The following SCN11A variants were observed in gnomAD, a reference collection of about 807,000 sequenced individuals.
SCN11A encodes the protein sodium channel protein type 11 subunit alpha.
SCN11A carries 122 observed loss-of-function variants against 162.2 expected under a neutral mutation model. That is an observed-to-expected ratio of 0.75 (90% CI 0.65 to 0.87). SCN11A has a LOEUF of 0.87. Among genes scored for constraint, SCN11A ranks in the 40% least tolerant of loss-of-function variants. The pLI, the probability that SCN11A is intolerant of heterozygous loss-of-function variation, is 0.00. For synonymous variants in SCN11A, 758 were observed against 751.5 expected (o/e 1.01, Z -0.14); for missense variants, 2,015 against 2,181.6 (o/e 0.92, Z 1.52).
intron 26 of SCN11A, among the ~76,000 whole-genome samples, chr3:38,869,703 C>T (rs538152232): frequency 2.4e-4 from 36 of 152,224 alleles, no homozygotes; most frequent in Middle Eastern, 3.4e-3. Flanking sequence ...GCTGAGTATC[C>T]CTAATCTGAA....
intron 2 of SCN11A, among the ~76,000 whole-genome samples, chr3:38,969,583 T>A (rs962734404): frequency 2.6e-5 from 4 of 152,188 alleles, no homozygotes; most frequent in Non-Finnish European, 4.4e-5. Flanking sequence ...TGCAGTTTAG[T>A]GTTCTTTGAA....
chr3:39,043,436 T>C (rs892978677), intron 1 of SCN11A, among the ~76,000 whole-genome samples: 2 of 143,576 alleles, frequency 1.4e-5, no homozygotes, highest in African/African-American at 5.3e-5. Flanking sequence ...AACAGATGAA[T>C]GGATAAAGAA....
At chr3:38,962,724 T>C (rs1473332342) in intron 2 of SCN11A, among the ~76,000 whole-genome samples, 2 of 151,936 alleles carry the variant, frequency 1.3e-5, no homozygotes, top group East Asian at 1.9e-4. Flanking sequence ...GGTGGGCGCC[T>C]ATAATCCCAG....
At chr3:39,019,758 CTT>C (rs1462247573) in intron 2 of SCN11A, among the ~76,000 whole-genome samples, 1 of 152,158 alleles carries the variant, frequency 6.6e-6, no homozygotes, top group Non-Finnish European at 1.5e-5. Flanking sequence ...TCATATGTCA[CTT>C]TCTTATTTAT....
intron 23 of SCN11A, among the ~76,000 whole-genome samples, chr3:38,876,499 T>C (rs573585992): frequency 6.6e-6 from 1 of 151,786 alleles, no homozygotes; most frequent in South Asian, 2.1e-4. Flanking sequence ...AAGAACTCAA[T>C]CAAATCAGCA....
At chr3:39,003,359 T>C (rs1300280667) in intron 2 of SCN11A, among the ~76,000 whole-genome samples, 7 of 152,242 alleles carry the variant, frequency 4.6e-5, no homozygotes, top group Admixed American at 3.9e-4. Flanking sequence ...AAAGACATGA[T>C]CTCATTCCTT....
At chr3:39,045,400 A>G (rs2032159049) in intron 1 of SCN11A, among the ~76,000 whole-genome samples, 1 of 152,242 alleles carries the variant, frequency 6.6e-6, no homozygotes, top group African/African-American at 2.4e-5. Context: ...TCAACAAAAT[A>G]TTAGCAAACC....
intron 2 of SCN11A, among the ~76,000 whole-genome samples, chr3:38,972,836 A>C (rs997840629): frequency 2.6e-5 from 4 of 152,240 alleles, no homozygotes; most frequent in Non-Finnish European, 4.4e-5. Flanking sequence ...AGAATCTGTT[A>C]GAGTTTGGAA....
intron 28 of SCN11A, among the ~76,000 whole-genome samples, chr3:38,853,623 G>GA (rs1185160682): frequency 6.6e-6 from 1 of 152,102 alleles, no homozygotes; most frequent in East Asian, 1.9e-4. Flanking sequence ...TAATTACTGA[G>GA]AACACATTTT....
At chr3:38,974,915 C>T (rs2066840099) in intron 2 of SCN11A, among the ~76,000 whole-genome samples, 1 of 150,544 alleles carries the variant, frequency 6.6e-6, no homozygotes, top group African/African-American at 2.4e-5. Context: ...TAACTACGTG[C>T]AAAATAGTGA....
chr3:38,957,863 G>T (rs2066700745), intron 3 of SCN11A, among the ~76,000 whole-genome samples: 1 of 152,182 alleles, frequency 6.6e-6, no homozygotes, highest in Non-Finnish European at 1.5e-5. Flanking sequence ...CCAATCTGTG[G>T]AGACCAGGTG....
intron 2 of SCN11A, chr3:39,026,063 C>CA (rs1225493524): frequency 7.2e-5 from 11 of 152,062 alleles, no homozygotes; most frequent in Non-Finnish European, 1.3e-4. Flanking sequence ...ACAAGAATAA[C>CA]ACGCAAATTC....
chr3:38,942,064 T>C (rs1484275345), intron 7 of SCN11A, among the ~76,000 whole-genome samples: 2 of 152,124 alleles, frequency 1.3e-5, no homozygotes, highest in African/African-American at 4.8e-5. Flanking sequence ...GCTATATTAA[T>C]ATTAGACAAA....
intron 2 of SCN11A, among the ~76,000 whole-genome samples, chr3:38,961,566 G>A (rs982379857): frequency 2.6e-5 from 4 of 152,178 alleles, no homozygotes; most frequent in Admixed American, 1.3e-4. Context: ...CAGAATAAGA[G>A]AAGACCAAAG....
chr3:38,906,670 G>C (rs925555614), intron 14 of SCN11A, among the ~76,000 whole-genome samples: 1 of 152,082 alleles, frequency 6.6e-6, no homozygotes, highest in African/African-American at 2.4e-5. Flanking sequence ...CTTGGTTACT[G>C]CAACAGCCTC....
chr3:38,946,917 A>C lies in SCN11A; in HGVS notation c.268-10T>G. 1 of 1,467,796 alleles carries C rather than the reference A, an allele frequency of 6.8e-7. No individual in the cohort carries two copies. Among genetic ancestry groups the C allele is most frequent in the Non-Finnish European group, 9.4e-7 (1 of 1,063,178 alleles). 90.9% of individuals were successfully genotyped at this position (1,467,796 alleles called of 1,614,324 possible). ...TTAACACCATAAATGTCTGCAAAAC[A>C]AAAAAAACAATACAAGAAAACACAC... On this transcript the variant is annotated splice_polypyrimidine_tract_variant and intron_variant, in intron 5 of 29. Coordinates refer to ENST00000302328, the MANE Select transcript of SCN11A (RefSeq NM_001349253.2).
In SCN11A at chr3:38,969,862, G is replaced by T. The variant is rs143438963; in HGVS notation, c.-279-9439C>A. On this transcript the variant is annotated intron_variant, in intron 2 of 29. Transcript: ENST00000302328. ...AATGCCAAAGTCTAGTCTTAAGAAG[G>T]CTCAGTTCTCTCTCTAAAATTGAGA... 7.2e-5 allele frequency among the ~76,000 whole-genome samples: 11 copies of T among 152,306 alleles called. No homozygotes were observed. The East Asian group carries it at 2.1e-3, about 29-fold the overall frequency.
At chr3:39,044,647 A>C (rs2032142951) in intron 1 of SCN11A, among the ~76,000 whole-genome samples, 1 of 152,190 alleles carries the variant, frequency 6.6e-6, no homozygotes, top group Admixed American at 6.5e-5. Context: ...ACAACATACC[A>C]AAACCAATGG....
At chr3:38,865,160 A>G (rs1280966327) in intron 27 of SCN11A, among the ~76,000 whole-genome samples, 1 of 152,224 alleles carries the variant, frequency 6.6e-6, no homozygotes, top group Non-Finnish European at 1.5e-5. Flanking sequence ...TAAGTCAATA[A>G]ATGTTGTGCT....
Sources: allele counts gnomAD v4.1 joint callset (sites outside exome capture counted in the v4.1 genomes callset), GRCh38; gene constraint gnomAD v4.1.1; transcripts MANE v1.5; gene names NCBI Gene and HGNC (gene_info 2026-07-23, HGNC 2026-07-21).